The following CSMD3 variants were observed in gnomAD, a reference collection of about 807,000 sequenced individuals.
The protein encoded by CSMD3 is CUB and Sushi multiple domains 3.
A neutral mutation model predicts 435.2 loss-of-function variants in CSMD3; 177 were observed. The observed-to-expected ratio is 0.41, with a 90% CI of 0.36 to 0.46. The LOEUF is 0.46. CSMD3 is among the 20% of genes least tolerant of loss of function. The pLI is 0.34. For synonymous variants in CSMD3, 1,656 were observed against 1,520.5 expected (o/e 1.09, Z -2.07); for missense variants, 4,265 against 4,504.6 (o/e 0.95, Z 1.52).
At chr8:112,254,555 C>A (rs1247501689) in intron 62 of CSMD3, among the ~76,000 whole-genome samples, 1 of 151,924 alleles carries the variant, frequency 6.6e-6, no homozygotes, top group African/African-American at 2.4e-5. Context: ...AACTTTGAAC[C>A]CTTCCGATAT....
intron 10 of CSMD3, among the ~76,000 whole-genome samples, chr8:112,891,915 ATG>A (rs372997636): frequency 6.6e-6 from 1 of 150,830 alleles, no homozygotes; most frequent in African/African-American, 2.4e-5. Flanking sequence ...GTGTGTGTGT[ATG>A]TGTGTGTGTG....
chr8:112,333,671 C>CACACACACAG lies in CSMD3; in HGVS notation c.7165+1657_7165+1658insCTGTGTGTGT, dbSNP rs1481505546. ...ATGAATGTTCAAATTCTGTCTCATA[C>CACACACACAG]ACACACACACACACACACACACAAC... On this transcript the variant is annotated intron_variant, in intron 45 of 70. Transcript: ENST00000297405. 3.0e-4 allele frequency among the ~76,000 whole-genome samples: 28 copies of CACACACACAG among 94,900 alleles called. 1 individual carries two copies. The highest frequency in any genetic ancestry group is 7.6e-4 in the African/African-American group (26 of 34,108). The allele number at this position is 94,900 out of a possible 152,430, so 62.3% of individuals were successfully genotyped here. A position where few individuals can be genotyped will look rare whatever the true frequency, so the allele number is the denominator to read the frequency against.
chr8:112,462,167 A>G (rs902608480), intron 32 of CSMD3, among the ~76,000 whole-genome samples: 3 of 152,206 alleles, frequency 2.0e-5, no homozygotes, highest in African/African-American at 7.2e-5. Flanking sequence ...TTCAGTTTAC[A>G]ATTGTTACCA....
At chr8:113,045,403 G>C (rs1337009407) in intron 5 of CSMD3, among the ~76,000 whole-genome samples, 3 of 148,898 alleles carry the variant, frequency 2.0e-5, no homozygotes, top group Non-Finnish European at 4.5e-5. Flanking sequence ...ACAAACTTTG[G>C]GGTTATTTGG....
At chr8:113,185,762 T>C (rs2092490888) in intron 3 of CSMD3, among the ~76,000 whole-genome samples, 1 of 152,026 alleles carries the variant, frequency 6.6e-6, no homozygotes, top group Non-Finnish European at 1.5e-5. Flanking sequence ...TGTGTGTGCA[T>C]GTGCACGCGT....
At chr8:113,173,981 T>C (rs1263551276) in intron 3 of CSMD3, 65 bp from the exon 4 acceptor site, 3 of 1,088,756 alleles carry the variant, frequency 2.8e-6, no homozygotes, top group African/African-American at 3.1e-5. Flanking sequence ...GTTTTAGATG[T>C]ATAAAATTAT....
At chr8:112,922,569 C>G (rs1042397956) in intron 9 of CSMD3, among the ~76,000 whole-genome samples, 5 of 151,914 alleles carry the variant, frequency 3.3e-5, no homozygotes, top group Non-Finnish European at 5.9e-5. Context: ...ATTCTAATCT[C>G]TATATCCATG....
chr8:113,395,081 A>G (rs571261780), intron 1 of CSMD3, among the ~76,000 whole-genome samples: 6 of 140,302 alleles, frequency 4.3e-5, no homozygotes, highest in African/African-American at 1.5e-4. Context: ...TGTTTTAGTG[A>G]CTATTTTTTT....
At chr8:113,342,902 T>C (rs1002131806) in intron 1 of CSMD3, among the ~76,000 whole-genome samples, 1 of 151,824 alleles carries the variant, frequency 6.6e-6, no homozygotes, top group Non-Finnish European at 1.5e-5. Flanking sequence ...TCAACATTTA[T>C]GAGAAATTCA....
intron 1 of CSMD3, among the ~76,000 whole-genome samples, chr8:113,400,349 G>A (rs1233961344): frequency 1.3e-5 from 2 of 151,774 alleles, no homozygotes; most frequent in African/African-American, 2.4e-5. Context: ...ACCTCCCCCT[G>A]CCCCATCCCT....
rs1002467654 is a variant in CSMD3, at chr8:113,121,412, C to T, written c.710-22449G>A. Among the ~76,000 whole-genome samples the T allele has an allele frequency of 3.3e-5, 5 of 152,176 alleles. No individual in the cohort carries two copies. The East Asian group carries it at 5.8e-4, about 18-fold the overall frequency. On this transcript the variant is annotated intron_variant, in intron 4 of 70. Transcript: ENST00000297405. ...TCTACAAAGGTGGATTTGTTAGAAA[C>T]AACTATCACCATTACTTTAAATGCT...
chr8:113,039,861 G>C (rs573034850), intron 5 of CSMD3, among the ~76,000 whole-genome samples: 169 of 152,212 alleles, frequency 1.1e-3, no homozygotes, highest in Non-Finnish European at 1.9e-3. Flanking sequence ...ATTTATTCAA[G>C]AATTATTTTT....
chr8:113,222,088 T>C (rs1182706613), intron 3 of CSMD3, among the ~76,000 whole-genome samples: 2 of 151,310 alleles, frequency 1.3e-5, no homozygotes, highest in Non-Finnish European at 3.0e-5. Flanking sequence ...ATAAATAATG[T>C]AGATGATGAC....
At chr8:113,119,480 G>A (rs1386919878) in intron 4 of CSMD3, among the ~76,000 whole-genome samples, 3 of 152,052 alleles carry the variant, frequency 2.0e-5, no homozygotes, top group Non-Finnish European at 2.9e-5. Flanking sequence ...AGCCTTAATC[G>A]GTGAACACAC....
chr8:112,885,475 G>A (rs539881338), intron 10 of CSMD3, among the ~76,000 whole-genome samples: 1 of 151,622 alleles, frequency 6.6e-6, no homozygotes, highest in Non-Finnish European at 1.5e-5. Context: ...AGGTAATGCT[G>A]TAAGACTTGC....
intron 45 of CSMD3, among the ~76,000 whole-genome samples, chr8:112,321,512 T>G (rs2130876944): frequency 6.6e-6 from 1 of 152,234 alleles, no homozygotes; most frequent in East Asian, 1.9e-4. Context: ...GGAGAAAACT[T>G]GAACAAAAAC....
At chr8:112,677,199 G>A (rs192021887) in intron 16 of CSMD3, among the ~76,000 whole-genome samples, 1 of 151,864 alleles carries the variant, frequency 6.6e-6, no homozygotes, top group Admixed American at 6.6e-5. Flanking sequence ...CATGGGCCCT[G>A]GAAAGGAAAA....
intron 11 of CSMD3, among the ~76,000 whole-genome samples, chr8:112,854,278 T>C (rs972469517): frequency 5.3e-5 from 8 of 152,034 alleles, no homozygotes; most frequent in Non-Finnish European, 8.8e-5. Flanking sequence ...TTTGTGGGAG[T>C]GGTTTGCTTA....
chr8:112,459,133 A>G (rs1254992646), intron 32 of CSMD3, among the ~76,000 whole-genome samples: 2 of 152,084 alleles, frequency 1.3e-5, no homozygotes, highest in East Asian at 3.9e-4. Context: ...GGGTTTTGTT[A>G]ATCCCCTGCA....
Sources: allele counts gnomAD v4.1 joint callset (sites outside exome capture counted in the v4.1 genomes callset), GRCh38; gene constraint gnomAD v4.1.1; transcripts MANE v1.5; gene names NCBI Gene and HGNC (gene_info 2026-07-23, HGNC 2026-07-21).